PHKB: variants seen among roughly 807,000 people sequenced by gnomAD.
PHKB encodes the protein phosphorylase b kinase regulatory subunit beta.
A neutral mutation model predicts 152.1 loss-of-function variants in PHKB; 122 were observed. That is an observed-to-expected ratio of 0.80 (90% confidence interval 0.69 to 0.93). The LOEUF is 0.93. Among genes scored for constraint, PHKB ranks in the 40% least tolerant of loss-of-function variants. The probability of loss-of-function intolerance (pLI) is 0.00; values close to 1 mark genes in which losing one functional copy is unlikely to be tolerated. For synonymous variants in PHKB, 436 were observed against 464.9 expected, an observed-to-expected ratio of 0.94 and a Z score of 0.80; for missense variants, 1,304 against 1,328.4, an observed-to-expected ratio of 0.98 and a Z score of 0.29.
chr16:47,484,265 G>A (rs1449700441), intron 1 of PHKB, among the ~76,000 whole-genome samples: 2 of 152,148 alleles, frequency 1.3e-5, no homozygotes, highest in South Asian at 2.1e-4. Context: ...GGTGGAATGG[G>A]CTTTTCACAT....
intron 26 of PHKB, among the ~76,000 whole-genome samples, chr16:47,677,264 C>A (rs1464549270): frequency 6.6e-6 from 1 of 152,190 alleles, no homozygotes; most frequent in Admixed American, 6.5e-5. Flanking sequence ...ATCCTTCAGT[C>A]ACCAAACAGA....
chr16:47,509,248 C>A (rs1213911058), intron 4 of PHKB, among the ~76,000 whole-genome samples: 3 of 152,184 alleles, frequency 2.0e-5, no homozygotes, highest in Non-Finnish European at 4.4e-5. Context: ...CAGATTACTG[C>A]CAGCAGTTTC....
intron 4 of PHKB, 60 bp from the exon 5 acceptor site, chr16:47,511,605 C>T (rs1017294684): frequency 7.6e-5 from 90 of 1,185,526 alleles, no homozygotes; most frequent in Non-Finnish European, 1.1e-4. Context: ...AGCTTTTAAT[C>T]TATAGTCTTG....
At chr16:47,462,056 A>T (rs1969573443) in intron 1 of PHKB, 1 of 152,426 alleles carries the variant, frequency 6.6e-6, no homozygotes, top group South Asian at 2.1e-4. Flanking sequence ...CATAGAGGTC[A>T]GAAGGTGCCT....
chr16:47,512,300 G>A (rs1970524323), intron 5 of PHKB, among the ~76,000 whole-genome samples: 1 of 152,218 alleles, frequency 6.6e-6, no homozygotes, highest in Non-Finnish European at 1.5e-5. Context: ...TGTGGCAATT[G>A]AACATGAAAT....
intron 20 of PHKB, among the ~76,000 whole-genome samples, chr16:47,659,543 A>C (rs1433799938): frequency 6.6e-6 from 1 of 152,218 alleles, no homozygotes; most frequent in Non-Finnish European, 1.5e-5. Context: ...ATTCATTTAT[A>C]CTGTTCATAC....
At chr16:47,466,758 T>C (rs956754850) in intron 1 of PHKB, among the ~76,000 whole-genome samples, 2 of 151,996 alleles carry the variant, frequency 1.3e-5, no homozygotes, top group African/African-American at 4.8e-5. Flanking sequence ...CCTGATATTG[T>C]TTTTTTTAAG....
intron 1 of PHKB, among the ~76,000 whole-genome samples, chr16:47,496,408 C>G (rs1455301955): frequency 6.6e-6 from 1 of 151,470 alleles, no homozygotes; most frequent in Admixed American, 6.6e-5. Context: ...TTTAAACTAG[C>G]GTGTTGGACA....
At chr16:47,655,700 A>G (rs1046802605) in intron 20 of PHKB, among the ~76,000 whole-genome samples, 13 of 152,208 alleles carry the variant, frequency 8.5e-5, no homozygotes, top group Non-Finnish European at 1.6e-4. Context: ...ATCCTTATAC[A>G]CAAAGCTCAA....
At chr16:47,603,506 T>G (rs1972270515) in intron 13 of PHKB, among the ~76,000 whole-genome samples, 1 of 149,222 alleles carries the variant, frequency 6.7e-6, no homozygotes, top group African/African-American at 2.4e-5. Context: ...TGACTTTCTT[T>G]TTTTTTTTTT....
intron 27 of PHKB, among the ~76,000 whole-genome samples, chr16:47,692,424 T>G (rs1974077551): frequency 1.3e-5 from 2 of 152,278 alleles, no homozygotes; most frequent in African/African-American, 4.8e-5. Context: ...AAGACCAGCC[T>G]GGACAACATA....
intron 1 of PHKB, among the ~76,000 whole-genome samples, chr16:47,488,185 A>G (rs927383715): frequency 4.6e-5 from 7 of 152,028 alleles, no homozygotes; most frequent in African/African-American, 1.7e-4. Flanking sequence ...TTTCTCTAAT[A>G]ATTTGTAAGG....
chr16:47,571,186 C>T (rs1971651661), intron 7 of PHKB, among the ~76,000 whole-genome samples: 1 of 152,098 alleles, frequency 6.6e-6, no homozygotes, highest in South Asian at 2.1e-4. Flanking sequence ...GGAAGCTTAT[C>T]TTGTTCCCCA....
At chr16:47,502,970 T>G in intron 3 of PHKB, 21 bp from the exon 4 acceptor site, 24 of 1,500,946 alleles carry the variant, frequency 1.6e-5, no homozygotes, top group Non-Finnish European at 2.1e-5. Context: ...ATTAGTTTCA[T>G]GAGTTATCTC....
At chr16:47,644,668 CAG>C (rs1455530838) in intron 16 of PHKB, among the ~76,000 whole-genome samples, 1 of 151,948 alleles carries the variant, frequency 6.6e-6, no homozygotes, top group Non-Finnish European at 1.5e-5. Flanking sequence ...AAATTGCAGA[CAG>C]ATCAAAAATT....
At position 47,509,697 on chromosome 16, in the gene PHKB, G is replaced by C. The variant is rs1970477490; in HGVS notation, c.406-1968G>C. Reference sequence around the variant, plus strand: ...AGTGCCTACCATGTTGGACAGCATAGCTTCTAGAAGCTTACAAGATATTGG... The same window carrying C: ...AGTGCCTACCATGTTGGACAGCATACCTTCTAGAAGCTTACAAGATATTGG... On this transcript the variant is annotated intron_variant, in intron 4 of 30. Transcript: ENST00000323584. Among the ~76,000 whole-genome samples the C allele has an allele frequency of 2.0e-5, 3 of 152,234 alleles. No individual in the cohort carries two copies. In the South Asian group the frequency reaches 6.2e-4, roughly 32 times the overall value.
chr16:47,699,080 G>A (rs1250824320), intron 30 of PHKB, 149 bp from the exon 31 acceptor site: 1 of 746,206 alleles, frequency 1.3e-6, no homozygotes, highest in African/African-American at 1.8e-5. Flanking sequence ...TACACCTCAG[G>A]AAAATGAAAG....
intron 14 of PHKB, among the ~76,000 whole-genome samples, chr16:47,633,108 T>C (rs1567335047): frequency 6.6e-6 from 1 of 152,218 alleles, no homozygotes; most frequent in African/African-American, 2.4e-5. Flanking sequence ...ATGAAAATTT[T>C]GAATGAGAAT....
chr16:47,525,136 G>A (rs1970745389), intron 6 of PHKB, among the ~76,000 whole-genome samples: 2 of 152,066 alleles, frequency 1.3e-5, no homozygotes, highest in African/African-American at 4.8e-5. Flanking sequence ...GAAATCCTGG[G>A]ATGAAAGTTC....
Sources: allele counts gnomAD v4.1 joint callset (sites outside exome capture counted in the v4.1 genomes callset), GRCh38; gene constraint gnomAD v4.1.1; transcripts MANE v1.5; gene names NCBI Gene and HGNC (gene_info 2026-07-23, HGNC 2026-07-21).